The following ZC3H12B variants were observed in gnomAD, a reference collection of about 807,000 sequenced individuals.
ZC3H12B encodes probable ribonuclease ZC3H12B.
ZC3H12B carries 7 observed loss-of-function variants against 43.9 expected under a neutral mutation model. The ratio of observed to expected loss-of-function variants is 0.16; its 90% CI spans 0.09 to 0.30. ZC3H12B has a LOEUF of 0.30. Ranked by LOEUF, ZC3H12B falls within the 10% of genes least tolerant of loss-of-function variation. The pLI, the probability that ZC3H12B is intolerant of heterozygous loss-of-function variation, is 1.00. For synonymous variants in ZC3H12B, 222 were observed against 241.7 expected (o/e 0.92, Z 0.76); for missense variants, 475 against 670.2 (o/e 0.71, Z 3.22).
chrX:65,204,067 A>G, the ZC3H12B span, among the ~76,000 whole-genome samples: 6 of 112,456 alleles, frequency 5.3e-5, no homozygotes, highest in Non-Finnish European at 9.4e-5. Flanking sequence ...TCTCCCTCAA[A>G]TGCACATTCT....
At chrX:65,390,381 G>A (rs1178185596) in intron 2 of ZC3H12B, among the ~76,000 whole-genome samples, 1 of 110,133 alleles carries the variant, frequency 9.1e-6, no homozygotes, top group Admixed American at 9.6e-5. Flanking sequence ...TTGTGCACAG[G>A]TACCCTAGAA....
At chrX:65,090,669 G>C in the ZC3H12B span, among the ~76,000 whole-genome samples, 1 of 111,358 alleles carries the variant, frequency 9.0e-6, no homozygotes. Flanking sequence ...GACTCTGCAG[G>C]TGTCCCTTTT....
the ZC3H12B span, among the ~76,000 whole-genome samples, chrX:65,172,502 C>G: frequency 8.9e-6 from 1 of 111,943 alleles, no homozygotes; most frequent in African/African-American, 3.2e-5. Context: ...AAGACTTTGC[C>G]CATACCTATG....
At chrX:65,115,233 C>G in the ZC3H12B span, among the ~76,000 whole-genome samples, 1 of 107,958 alleles carries the variant, frequency 9.3e-6, no homozygotes, top group Admixed American at 1.0e-4. Context: ...TCCCCAAAGT[C>G]CAATGTACTA....
the ZC3H12B span, among the ~76,000 whole-genome samples, chrX:65,219,151 T>C: frequency 2.7e-5 from 3 of 111,688 alleles, no homozygotes; most frequent in East Asian, 8.4e-4. Context: ...GAGCATGCCA[T>C]GAGACAAAAG....
the ZC3H12B span, among the ~76,000 whole-genome samples, chrX:65,113,449 A>G: frequency 4.4e-3 from 484 of 110,842 alleles, 1 homozygote; most frequent in Non-Finnish European, 7.1e-3. Context: ...CTGTAATCCC[A>G]GTGATTTGGG....
chrX:65,044,615 A>T, the ZC3H12B span, among the ~76,000 whole-genome samples: 1 of 111,313 alleles, frequency 9.0e-6, no homozygotes, highest in East Asian at 2.8e-4. Flanking sequence ...ATTAAAGAGG[A>T]TGTTACAGTA....
the ZC3H12B span, among the ~76,000 whole-genome samples, chrX:65,301,911 A>T: frequency 9.0e-6 from 1 of 111,693 alleles, no homozygotes; most frequent in East Asian, 2.8e-4. Context: ...ACTAAAGAAG[A>T]AAAATGCCAT....
chrX:65,344,617 C>A, the ZC3H12B span, among the ~76,000 whole-genome samples: 10 of 111,922 alleles, frequency 8.9e-5, no homozygotes, highest in East Asian at 2.5e-3. Context: ...TAAAAATTCT[C>A]AAAGACAGCC....
At chrX:65,242,680 G>A in the ZC3H12B span, among the ~76,000 whole-genome samples, 90 of 111,671 alleles carry the variant, frequency 8.1e-4, no homozygotes, top group Non-Finnish European at 1.6e-3. Context: ...GACCAATCCT[G>A]AGCAAAAAGA....
the ZC3H12B span, among the ~76,000 whole-genome samples, chrX:65,179,520 C>CA: frequency 1.8e-5 from 2 of 109,750 alleles, no homozygotes; most frequent in African/African-American, 3.3e-5. Flanking sequence ...GATAGAGACA[C>CA]AAAAAACCCT....
the ZC3H12B span, among the ~76,000 whole-genome samples, chrX:65,251,755 A>G: frequency 9.0e-6 from 1 of 111,315 alleles, no homozygotes; most frequent in African/African-American, 3.3e-5. Context: ...TTGGTGTATA[A>G]GAATGCTTGT....
the ZC3H12B span, among the ~76,000 whole-genome samples, chrX:65,280,353 T>A: frequency 1.8e-5 from 2 of 112,312 alleles, no homozygotes; most frequent in Admixed American, 9.4e-5. Flanking sequence ...TCATTATCAC[T>A]TTATGATAAA....
the ZC3H12B span, among the ~76,000 whole-genome samples, chrX:65,237,095 TATTTTAGTGGGAATAGCATTGG>T: frequency 8.9e-6 from 1 of 111,982 alleles, no homozygotes; most frequent in African/African-American, 3.2e-5. Context: ...ATGTCAATGG[TATTTTAGTGGGAATAGCATTGG>T]ATGTATAAAT....
intron 1 of ZC3H12B, among the ~76,000 whole-genome samples, chrX:65,493,689 G>A (rs1294138186): frequency 9.0e-6 from 1 of 111,397 alleles, no homozygotes; most frequent in Non-Finnish European, 1.9e-5. Context: ...ATTTGGCTTG[G>A]GAACCTGGAT....
chrX:65,228,151 C>G, the ZC3H12B span, among the ~76,000 whole-genome samples: 5 of 111,487 alleles, frequency 4.5e-5, no homozygotes, highest in African/African-American at 1.3e-4. Flanking sequence ...ACTGGCAAAC[C>G]GAATCCAGCA....
chrX:65,419,087 T>C (rs1429292792), intron 3 of ZC3H12B, among the ~76,000 whole-genome samples: 2 of 111,097 alleles, frequency 1.8e-5, no homozygotes, highest in African/African-American at 6.6e-5. Flanking sequence ...CAGGTTCATC[T>C]CTTGGTGGGC....
chrX:65,455,665 C>T (rs2067597623), intron 3 of ZC3H12B, among the ~76,000 whole-genome samples: 1 of 111,260 alleles, frequency 9.0e-6, no homozygotes, highest in Non-Finnish European at 1.9e-5. Context: ...AACCCCAAGA[C>T]ACATAATTGT....
the ZC3H12B span, among the ~76,000 whole-genome samples, chrX:65,189,104 T>A: frequency 9.6e-6 from 1 of 104,711 alleles, no homozygotes; most frequent in Non-Finnish European, 1.9e-5. Flanking sequence ...ATTTCATCCA[T>A]GTCCCTACAA....
Sources: gnomAD v4.1 joint callset for allele counts (sites outside exome capture counted in the v4.1 genomes callset) on GRCh38, gnomAD v4.1.1 for gene constraint, MANE v1.5 for transcripts, NCBI Gene and HGNC (gene_info 2026-07-23, HGNC 2026-07-21) for gene names.